The following DACH2 variants were observed in gnomAD, a reference collection of about 807,000 sequenced individuals.
DACH2 encodes the protein dachshund homolog 2.
In DACH2, 17 loss-of-function variants were observed where a neutral mutation model predicts 35.8. That is an observed-to-expected ratio of 0.48 (90% CI 0.33 to 0.71). The LOEUF (loss-of-function observed/expected upper bound fraction) is 0.71. Ranked by LOEUF, DACH2 falls within the 30% of genes least tolerant of loss-of-function variation. The pLI is 0.02. For synonymous variants in DACH2, 195 were observed against 177.3 expected, an observed-to-expected ratio of 1.10 and a Z score of -0.79; for missense variants, 469 against 472.7, an observed-to-expected ratio of 0.99 and a Z score of 0.07.
chrX:86,601,931 G>A (rs2039794886), intron 3 of DACH2, among the ~76,000 whole-genome samples: 1 of 111,823 alleles, frequency 8.9e-6, no homozygotes, highest in Admixed American at 9.5e-5. Flanking sequence ...CCATTCTATA[G>A]TTATTGATAA....
rs375390560 is a variant in DACH2, at chrX:86,366,283, A to G, written c.489-10541A>G. Among the ~76,000 whole-genome samples, 32 of 110,810 alleles carry G rather than the reference A, an allele frequency of 2.9e-4. No homozygotes were observed. In the East Asian group the frequency reaches 3.8e-3, roughly 13 times the overall value. On this transcript the variant is annotated intron_variant, in intron 1 of 11. Transcript: ENST00000373125. The stretch of plus-strand genomic sequence containing the variant: ...GAAAATGTACATATAGTTAATGTCC[A>G]TTTACTTTTATCTAAGGAGGATGAA...
At chrX:86,490,532 A>G (rs2038079800) in intron 2 of DACH2, among the ~76,000 whole-genome samples, 1 of 111,397 alleles carries the variant, frequency 9.0e-6, no homozygotes, top group Non-Finnish European at 1.9e-5. Context: ...AAGATATGTA[A>G]CGATGGAATA....
intron 1 of DACH2, among the ~76,000 whole-genome samples, chrX:86,333,381 G>T (rs1217522236): frequency 1.8e-5 from 2 of 111,832 alleles, no homozygotes; most frequent in South Asian, 7.5e-4. Context: ...AGAGAGGCTT[G>T]CTCCCTATCT....
At chrX:86,217,032 A>G (rs2032588122) in intron 1 of DACH2, among the ~76,000 whole-genome samples, 1 of 109,330 alleles carries the variant, frequency 9.1e-6, no homozygotes, top group African/African-American at 3.3e-5. Context: ...CGGAGGTTGC[A>G]GGAAGCTGAG....
intron 4 of DACH2, among the ~76,000 whole-genome samples, chrX:86,674,211 A>T (rs1470711202): frequency 1.8e-5 from 2 of 111,986 alleles, no homozygotes; most frequent in African/African-American, 6.5e-5. Flanking sequence ...TTGCATGTGT[A>T]CTCAGAGGAC....
intron 3 of DACH2, among the ~76,000 whole-genome samples, chrX:86,565,609 T>C (rs903026195): frequency 4.5e-5 from 5 of 111,549 alleles, no homozygotes; most frequent in African/African-American, 1.6e-4. Context: ...CATCTGGCCG[T>C]TTATAGCACA....
intron 1 of DACH2, among the ~76,000 whole-genome samples, chrX:86,224,954 T>C (rs1207542185): frequency 1.8e-5 from 2 of 111,455 alleles, no homozygotes. Context: ...TTCTAAATGA[T>C]TGGTTAGAGC....
At chrX:86,433,907 T>G (rs890250038) in intron 2 of DACH2, among the ~76,000 whole-genome samples, 3 of 111,799 alleles carry the variant, frequency 2.7e-5, no homozygotes, top group Admixed American at 1.9e-4. Flanking sequence ...AACATTATCA[T>G]GCATGTCCCT....
At chrX:86,650,642 T>A (rs1197907548) in intron 3 of DACH2, among the ~76,000 whole-genome samples, 5 of 111,763 alleles carry the variant, frequency 4.5e-5, no homozygotes, top group African/African-American at 1.6e-4. Context: ...AGTCTTGGAA[T>A]TTTTTAAACT....
chrX:86,522,621 C>G (rs2038572309), intron 3 of DACH2, among the ~76,000 whole-genome samples: 1 of 79,050 alleles, frequency 1.3e-5, no homozygotes, highest in South Asian at 7.7e-4. Context: ...CCAGATTCCA[C>G]CTAGCCTTTC....
intron 3 of DACH2, among the ~76,000 whole-genome samples, chrX:86,523,413 T>A (rs780589577): frequency 2.2e-4 from 24 of 111,455 alleles, no homozygotes; most frequent in East Asian, 2.0e-3. Context: ...ATTCTCAGTT[T>A]AAAAAAAATA....
chrX:86,233,446 A>C (rs1164772620), intron 1 of DACH2, among the ~76,000 whole-genome samples: 2 of 112,432 alleles, frequency 1.8e-5, no homozygotes, highest in Non-Finnish European at 3.8e-5. Flanking sequence ...TGGAATTTTG[A>C]ACTATTTTCA....
At chrX:86,690,208 A>G (rs1220541706) in intron 4 of DACH2, among the ~76,000 whole-genome samples, 1 of 111,797 alleles carries the variant, frequency 8.9e-6, no homozygotes, top group Non-Finnish European at 1.9e-5. Context: ...GATTTCCTTT[A>G]TACCCATTTG....
chrX:86,763,427 G>A (rs1466193492), intron 7 of DACH2, among the ~76,000 whole-genome samples: 1 of 112,053 alleles, frequency 8.9e-6, no homozygotes, highest in Non-Finnish European at 1.9e-5. Context: ...CAAATCTATG[G>A]TGTTAAAATT....
At chrX:86,443,268 C>A (rs1385139153) in intron 2 of DACH2, among the ~76,000 whole-genome samples, 1 of 111,264 alleles carries the variant, frequency 9.0e-6, no homozygotes, top group African/African-American at 3.3e-5. Flanking sequence ...GTGTAGAGAC[C>A]TTTATCCCCA....
At chrX:86,593,397 TTTTTTA>T (rs1424532574) in intron 3 of DACH2, among the ~76,000 whole-genome samples, 1 of 95,827 alleles carries the variant, frequency 1.0e-5, no homozygotes, top group Non-Finnish European at 2.0e-5. Flanking sequence ...ATATATATAT[TTTTTTA>T]TTTTATTTTA....
chrX:86,536,671 C>T (rs945002277), intron 3 of DACH2, among the ~76,000 whole-genome samples: 4 of 111,802 alleles, frequency 3.6e-5, no homozygotes, highest in Non-Finnish European at 5.6e-5. Context: ...CCTGGAATTC[C>T]CCCACTTCAA....
intron 3 of DACH2, among the ~76,000 whole-genome samples, chrX:86,645,294 G>A (rs949034874): frequency 1.9e-4 from 21 of 109,919 alleles, no homozygotes; most frequent in African/African-American, 4.3e-4. Context: ...TACATGCAGC[G>A]AACAAGCATA....
intron 3 of DACH2, among the ~76,000 whole-genome samples, chrX:86,522,456 A>G (rs2038569622): frequency 9.0e-6 from 1 of 111,687 alleles, no homozygotes; most frequent in Non-Finnish European, 1.9e-5. Context: ...TATCTATGTA[A>G]CTATCGACAT....
Sources: allele counts gnomAD v4.1 joint callset (sites outside exome capture counted in the v4.1 genomes callset), GRCh38; gene constraint gnomAD v4.1.1; transcripts MANE v1.5; gene names NCBI Gene and HGNC (gene_info 2026-07-23, HGNC 2026-07-21).